RPGRIP1: variants seen among roughly 807,000 people sequenced by gnomAD.
The protein encoded by RPGRIP1 is X-linked retinitis pigmentosa GTPase regulator-interacting protein 1.
A neutral mutation model predicts 157.9 loss-of-function variants in RPGRIP1; 128 were observed. That is an observed-to-expected ratio of 0.81 (90% confidence interval 0.70 to 0.94). RPGRIP1 has a LOEUF of 0.94. RPGRIP1 is among the 40% of genes least tolerant of loss of function. RPGRIP1 has a pLI of 0.00. For missense variants in RPGRIP1, 1,486 were observed against 1,545.8 expected (o/e 0.96, Z 0.65); for synonymous variants, 554 against 571.6 (o/e 0.97, Z 0.44).
At chr14:21,345,824 T>A (rs1885509235) in intron 23 of RPGRIP1, among the ~76,000 whole-genome samples, 1 of 151,136 alleles carries the variant, frequency 6.6e-6, no homozygotes, top group Admixed American at 6.6e-5. Context: ...AGTGTTGACA[T>A]TCTTCTTTTT....
At position 21,288,053 on chromosome 14, in the gene RPGRIP1, C is replaced by T. The variant is rs187598648; in HGVS notation, c.77C>T (p.Ala26Val). 71 of 1,609,510 alleles carry T rather than the reference C, an allele frequency of 4.4e-5. 1 individual carries two copies. In the East Asian group the frequency reaches 1.1e-3, roughly 25 times the overall value. The change falls in exon 2 of 25, where the codon GCC becomes GTC. Residue 26 changes from alanine (A) to valine (V), a missense_variant. Transcript: ENST00000400017. ...GATGCTATACCTCTGGTGCTACCAG[C>T]CTCAAAAGGTAACTTCTACGCCTGA... Reference protein sequence around the residue: ...DIDAIPLVLPASKGKNMKTQP... With the variant: ...DIDAIPLVLPVSKGKNMKTQP...
chr14:21,288,321 C>T (rs1358916696), intron 2 of RPGRIP1, among the ~76,000 whole-genome samples: 2 of 151,464 alleles, frequency 1.3e-5, no homozygotes, highest in Admixed American at 6.6e-5. Flanking sequence ...GCAGGGATTA[C>T]AGGCGTGCAC....
chr14:21,294,897 T>G (rs1330757161), intron 3 of RPGRIP1, 88 bp downstream of exon 3: 2 of 1,160,476 alleles, frequency 1.7e-6, no homozygotes, highest in Admixed American at 3.7e-5. Flanking sequence ...CAGGCTGGAA[T>G]GCAGTGGCAT....
intron 22 of RPGRIP1, 98 bp from the exon 23 acceptor site, chr14:21,345,013 CTT>C (rs1283253965): frequency 1.3e-6 from 1 of 784,552 alleles, no homozygotes; most frequent in East Asian, 2.6e-5. Flanking sequence ...GGAGTCTAAT[CTT>C]TTTATGAAAA....
rs927398296 is a variant in RPGRIP1, at chr14:21,341,950, T to C, written c.3340-1086T>C. 2.6e-5 allele frequency among the ~76,000 whole-genome samples: 4 copies of C among 151,210 alleles called. No individual in the cohort carries two copies. The Middle Eastern group carries it at 0.014, about 514-fold the overall frequency. The stretch of plus-strand genomic sequence containing the variant: ...CTGTAGTCCCAGCTACTCGGGAGGC[T>C]GAGGCAGGAGAATGGCGGGAACCCG... On this transcript the variant is annotated intron_variant, in intron 21 of 24. Coordinates refer to ENST00000400017, the MANE Select transcript of RPGRIP1 (RefSeq NM_020366.4).
intron 2 of RPGRIP1, among the ~76,000 whole-genome samples, chr14:21,289,680 A>C (rs1179620845): frequency 6.6e-6 from 1 of 152,070 alleles, no homozygotes; most frequent in African/African-American, 2.4e-5. Context: ...AGTAAAGTTG[A>C]ACGTGTAACT....
At chr14:21,316,368 T>G (rs1881809271) in intron 10 of RPGRIP1, among the ~76,000 whole-genome samples, 1 of 151,808 alleles carries the variant, frequency 6.6e-6, no homozygotes, top group African/African-American at 2.4e-5. Context: ...CACCTTGACC[T>G]CCCAAAGTGC....
intron 16 of RPGRIP1, 70 bp from the exon 17 acceptor site, chr14:21,325,761 A>C (rs1594215291): frequency 8.6e-7 from 1 of 1,159,306 alleles, no homozygotes; most frequent in East Asian, 2.4e-5. Context: ...TCCTCACCAC[A>C]GATCCTAGGC....
intron 1 of RPGRIP1, among the ~76,000 whole-genome samples, chr14:21,284,952 C>T (rs747941780): frequency 6.6e-6 from 1 of 152,026 alleles, no homozygotes; most frequent in Non-Finnish European, 1.5e-5. Flanking sequence ...GTCATTCTCT[C>T]TCTTGTTCGT....
rs374913550 is a variant in RPGRIP1, at chr14:21,326,132, G to A, written c.2669G>A (p.Arg890Gln). The A allele has an allele frequency of 7.1e-5, 114 of 1,597,512 alleles. No individual in the cohort carries two copies. Among genetic ancestry groups the A allele is most frequent in the South Asian group, 3.0e-4 (27 of 89,220 alleles). ...LEPGSYLGRA[R>Q]VPLLPLAKNE... is the part of the protein sequence containing the mutation. ...CCTGGCTCGTATCTTGGCCGAGCCC[G>A]AGTGCCTTTACTGCCTCTTGCAAAA... Residue 890 changes from arginine (R) to glutamine (Q), a missense_variant, in exon 17 of 25, where the codon CGA (arginine) becomes CAA (glutamine). Arg to Gln is a conservative substitution (Grantham distance 43). Coordinates refer to ENST00000400017, the MANE Select transcript of RPGRIP1 (RefSeq NM_020366.4).
intron 3 of RPGRIP1, among the ~76,000 whole-genome samples, chr14:21,295,801 T>C (rs1880747732): frequency 6.6e-6 from 1 of 151,806 alleles, no homozygotes. Flanking sequence ...TGAGACAGAG[T>C]CTCACTCTGT....
At chr14:21,289,603 G>A (rs1880439464) in intron 2 of RPGRIP1, among the ~76,000 whole-genome samples, 1 of 152,058 alleles carries the variant, frequency 6.6e-6, no homozygotes, top group African/African-American at 2.4e-5. Flanking sequence ...TGAGGATAGG[G>A]CACTTTATGC....
At chr14:21,301,266 G>T in intron 4 of RPGRIP1, 29 bp downstream of exon 4, 1 of 1,563,486 alleles carries the variant, frequency 6.4e-7, no homozygotes, top group Non-Finnish European at 8.7e-7. Context: ...TCCCCTACAG[G>T]GCTAAGACAC....
intron 21 of RPGRIP1, among the ~76,000 whole-genome samples, chr14:21,339,050 C>T (rs1566361199): frequency 6.6e-6 from 1 of 152,090 alleles, no homozygotes. Flanking sequence ...GCAGGAGAAT[C>T]GCTTGAGCCC....
intron 3 of RPGRIP1, among the ~76,000 whole-genome samples, chr14:21,297,834 A>ATTATTTCTTTCTTTCT (rs146421534): frequency 7.5e-6 from 1 of 133,216 alleles, no homozygotes. Flanking sequence ...TCAATAAATT[A>ATTATTTCTTTCTTTCT]TTCTTTCTTT....
rs756459696 is a variant in RPGRIP1, at chr14:21,301,206, C to G, written c.459C>G (p.Ala153=). ...VQVGHRQLHT[A]GAPVPEKPKR... ...TGGGACACAGACAGCTCCACACAGC[C>G]GGTGCACCGGTGCCGGAGAAACCCA... The change falls in exon 4 of 25, where the codon GCC becomes GCG. Residue 153 remains alanine (A), a synonymous_variant. Coordinates refer to ENST00000400017, the MANE Select transcript of RPGRIP1 (RefSeq NM_020366.4). 1 of 1,592,066 alleles carries G rather than the reference C, an allele frequency of 6.3e-7. No homozygotes were observed. Among genetic ancestry groups the G allele is most frequent in the Non-Finnish European group, 8.5e-7 (1 of 1,170,258 alleles).
intron 2 of RPGRIP1, among the ~76,000 whole-genome samples, chr14:21,288,966 T>A (rs748222567): frequency 8.5e-5 from 13 of 152,184 alleles, no homozygotes; most frequent in Non-Finnish European, 1.8e-4. Flanking sequence ...TCACTGTCAC[T>A]AAGCAGAAGT....
intron 1 of RPGRIP1, among the ~76,000 whole-genome samples, chr14:21,281,032 T>G (rs1447529661): frequency 2.6e-5 from 4 of 151,866 alleles, no homozygotes; most frequent in Non-Finnish European, 5.9e-5. Context: ...CTTTTTTTTT[T>G]TTTTGAGACA....
Position 21,301,022 on chromosome 14 carries a change from A to G in RPGRIP1, c.275A>G (p.Glu92Gly), listed in dbSNP as rs1311665698. 3.1e-6 allele frequency: 5 copies of G among 1,612,468 alleles called. No homozygotes were observed. The highest frequency in any genetic ancestry group is 4.2e-6 in the Non-Finnish European group (5 of 1,179,366). Reference protein sequence around the residue: ...TAAGRDLRVAEEAAPLSETAR... With the variant: ...TAAGRDLRVAGEAAPLSETAR... The stretch of plus-strand genomic sequence containing the variant: ...GCTGGCCGGGACCTGCGGGTCGCGG[A>G]GGAGGCGGCGCCGCTCTCGGAGACC... Residue 92 changes from glutamate (E) to glycine (G), a missense_variant, in exon 4 of 25, where the codon GAG becomes GGG. Transcript: ENST00000400017.
Sources: allele counts gnomAD v4.1 joint callset (sites outside exome capture counted in the v4.1 genomes callset), GRCh38; gene constraint gnomAD v4.1.1; transcripts MANE v1.5; gene names NCBI Gene and HGNC (gene_info 2026-07-23, HGNC 2026-07-21).